The following MAGI1 variants were observed in gnomAD, a reference collection of about 807,000 sequenced individuals.
MAGI1 encodes the protein membrane-associated guanylate kinase, WW and PDZ domain-containing protein 1.
MAGI1 carries 58 observed loss-of-function variants against 139.9 expected under a neutral mutation model. The ratio of observed to expected loss-of-function variants is 0.41; its 90% CI spans 0.34 to 0.52. The LOEUF is 0.52. Among genes scored for constraint, MAGI1 ranks in the 20% least tolerant of loss-of-function variants. The pLI is 0.12. For synonymous variants in MAGI1, 812 were observed against 737.9 expected (o/e 1.10, Z -1.63); for missense variants, 1,874 against 1,901.6 (o/e 0.99, Z 0.27).
At chr3:66,026,564 T>C (rs1235244082) in intron 1 of MAGI1, among the ~76,000 whole-genome samples, 1 of 151,368 alleles carries the variant, frequency 6.6e-6, no homozygotes, top group Non-Finnish European at 1.5e-5. Flanking sequence ...AAAATAAGGA[T>C]GTTGCCTTCA....
At chr3:65,395,920 G>A (rs934259005) in intron 13 of MAGI1, among the ~76,000 whole-genome samples, 3 of 152,130 alleles carry the variant, frequency 2.0e-5, no homozygotes, top group African/African-American at 4.8e-5. Context: ...GAGTGAATGC[G>A]GAGAGGCCAG....
chr3:65,486,389 T>G, intron 3 of MAGI1, among the ~76,000 whole-genome samples: 1 of 152,100 alleles, frequency 6.6e-6, no homozygotes, highest in East Asian at 1.9e-4. Context: ...CACCCTCCAC[T>G]GAATAGTTCA....
At chr3:65,824,302 GC>G (rs2042108924) in intron 1 of MAGI1, among the ~76,000 whole-genome samples, 1 of 152,180 alleles carries the variant, frequency 6.6e-6, no homozygotes, top group Non-Finnish European at 1.5e-5. Flanking sequence ...CTGCAGATGT[GC>G]AAATAGTAGG....
At chr3:65,506,896 T>A (rs569450363) in intron 2 of MAGI1, among the ~76,000 whole-genome samples, 1 of 152,304 alleles carries the variant, frequency 6.6e-6, no homozygotes, top group Non-Finnish European at 1.5e-5. Flanking sequence ...AAAAAGGAGT[T>A]TATGCCCATT....
intron 2 of MAGI1, among the ~76,000 whole-genome samples, chr3:65,545,257 G>T (rs986041949): frequency 6.6e-6 from 1 of 152,122 alleles, no homozygotes; most frequent in African/African-American, 2.4e-5. Flanking sequence ...TGGGGGCAAA[G>T]GTGAAGTGGC....
At chr3:65,527,909 GA>G (rs754762438) in intron 2 of MAGI1, among the ~76,000 whole-genome samples, 2,053 of 132,908 alleles carry the variant, frequency 0.015, 41 homozygotes, top group African/African-American at 0.049. Context: ...TCCATCTCAG[GA>G]AAAAAAAAAA....
At chr3:65,726,825 A>G (rs989845686) in intron 1 of MAGI1, among the ~76,000 whole-genome samples, 1 of 152,048 alleles carries the variant, frequency 6.6e-6, no homozygotes, top group Non-Finnish European at 1.5e-5. Context: ...TCCCCAGGCA[A>G]GTATCACCAT....
At chr3:65,708,198 A>G (rs2030725100) in intron 1 of MAGI1, among the ~76,000 whole-genome samples, 1 of 152,200 alleles carries the variant, frequency 6.6e-6, no homozygotes, top group Non-Finnish European at 1.5e-5. Context: ...ATAGGACCCA[A>G]CCTGGCTTTT....
At chr3:65,909,484 G>A (rs1333330061) in intron 1 of MAGI1, among the ~76,000 whole-genome samples, 3 of 152,140 alleles carry the variant, frequency 2.0e-5, no homozygotes, top group Non-Finnish European at 2.9e-5. Flanking sequence ...GCAGTGAGCC[G>A]TGATCACACC....
intron 1 of MAGI1, among the ~76,000 whole-genome samples, chr3:65,708,672 C>G (rs12632416): frequency 0.38 from 57,579 of 151,570 alleles, 11,112 homozygotes; most frequent in Non-Finnish European, 0.41. Flanking sequence ...AGAATGATGG[C>G]AAGAGAGTAA....
intron 2 of MAGI1, among the ~76,000 whole-genome samples, chr3:65,546,647 A>G (rs1301245582): frequency 6.6e-6 from 1 of 152,244 alleles, no homozygotes; most frequent in Non-Finnish European, 1.5e-5. Flanking sequence ...ATTCCAGTTG[A>G]TTATTTGCAA....
At chr3:65,767,300 G>A (rs918808726) in intron 1 of MAGI1, among the ~76,000 whole-genome samples, 1 of 147,562 alleles carries the variant, frequency 6.8e-6, no homozygotes, top group Non-Finnish European at 1.5e-5. Flanking sequence ...CCACAGTTTA[G>A]TTTTTTTTTT....
At chr3:65,862,945 A>G (rs145008624) in intron 1 of MAGI1, among the ~76,000 whole-genome samples, 75 of 152,312 alleles carry the variant, frequency 4.9e-4, no homozygotes, top group Admixed American at 7.8e-4. Flanking sequence ...CCCACTATCT[A>G]CAGAATGAAA....
chr3:65,364,611 G>T, intron 20 of MAGI1, 54 bp downstream of exon 20: 1 of 1,489,674 alleles, frequency 6.7e-7, no homozygotes, highest in African/African-American at 1.4e-5. Context: ...AGTAGCTTGA[G>T]AAAGTTGGAA....
chr3:65,742,569 G>A (rs1322248436), intron 1 of MAGI1, among the ~76,000 whole-genome samples: 2 of 152,148 alleles, frequency 1.3e-5, no homozygotes, highest in South Asian at 2.1e-4. Context: ...TTCTTCAGAC[G>A]ATTAAAGGAG....
At chr3:65,765,535 G>C (rs1311353775) in intron 1 of MAGI1, among the ~76,000 whole-genome samples, 1 of 152,202 alleles carries the variant, frequency 6.6e-6, no homozygotes, top group African/African-American at 2.4e-5. Context: ...CGTTTAGCTA[G>C]AGAGTTGGAA....
chr3:65,732,542 C>T (rs897955750), intron 1 of MAGI1, among the ~76,000 whole-genome samples: 1 of 152,122 alleles, frequency 6.6e-6, no homozygotes, highest in Non-Finnish European at 1.5e-5. Flanking sequence ...ATCAGCATTA[C>T]AACAGTAAAG....
At chr3:65,906,864 C>T (rs1244216475) in intron 1 of MAGI1, among the ~76,000 whole-genome samples, 1 of 145,020 alleles carries the variant, frequency 6.9e-6, no homozygotes, top group African/African-American at 2.6e-5. Flanking sequence ...ACAGCCTGGG[C>T]AACAGAGCAA....
chr3:65,878,207 CA>C (rs1435393407), intron 1 of MAGI1, among the ~76,000 whole-genome samples: 1 of 152,074 alleles, frequency 6.6e-6, no homozygotes, highest in Non-Finnish European at 1.5e-5. Flanking sequence ...GGCTTCAAGT[CA>C]AAAGTTGGAT....
Sources: allele counts gnomAD v4.1 joint callset (sites outside exome capture counted in the v4.1 genomes callset), GRCh38; gene constraint gnomAD v4.1.1; transcripts MANE v1.5; gene names NCBI Gene and HGNC (gene_info 2026-07-23, HGNC 2026-07-21).